Variants in ERC2 observed in about 807,000 individuals in gnomAD.
The protein encoded by ERC2 is ERC protein 2.
ERC2 carries 42 observed loss-of-function variants against 114.8 expected under a neutral mutation model. The ratio of observed to expected loss-of-function variants is 0.37; its 90% CI spans 0.29 to 0.47. The LOEUF (loss-of-function observed/expected upper bound fraction) is 0.47, where lower values mean the gene tolerates loss of function less well. ERC2 is among the 20% of genes least tolerant of loss of function. The probability of loss-of-function intolerance (pLI) is 0.99; values close to 1 mark genes in which losing one functional copy is unlikely to be tolerated. For missense variants in ERC2, 939 were observed against 1,150.7 expected (o/e 0.82, Z 2.66); for synonymous variants, 454 against 425.5 (o/e 1.07, Z -0.82).
At chr3:55,755,079 T>G (rs1302083346) in intron 14 of ERC2, among the ~76,000 whole-genome samples, 1 of 147,300 alleles carries the variant, frequency 6.8e-6, no homozygotes. Context: ...TGGCTATTCA[T>G]CTTCTTTTTT....
chr3:55,985,933 C>T (rs374557103), intron 12 of ERC2, 44 bp downstream of exon 12: 3 of 1,522,250 alleles, frequency 2.0e-6, no homozygotes, highest in East Asian at 4.9e-5. Flanking sequence ...ATAAATTGAG[C>T]TTAGGAGGGA....
chr3:56,053,928 T>A lies in ERC2; in HGVS notation c.1641+26889A>T, dbSNP rs1179667932. Among the ~76,000 whole-genome samples, 3 of 152,100 alleles carry A rather than the reference T, an allele frequency of 2.0e-5. No homozygotes were observed. In the East Asian group the frequency reaches 5.8e-4, roughly 29 times the overall value. On this transcript the variant is annotated intron_variant, in intron 7 of 17. Transcript: ENST00000288221. ...GTAACCTCCTCAAAGTTACAGGAGA[T>A]ACAAAGACGCAGACAGACCAGCTGC...
At chr3:56,359,598 T>C (rs1327885649) in intron 2 of ERC2, among the ~76,000 whole-genome samples, 1 of 152,376 alleles carries the variant, frequency 6.6e-6, no homozygotes, top group African/African-American at 2.4e-5. Flanking sequence ...GCCAGTGTCT[T>C]AGTCCATTTG....
chr3:55,919,298 C>T lies in ERC2; in HGVS notation c.2404-30749G>A, dbSNP rs192176158. On this transcript the variant is annotated intron_variant, in intron 13 of 17. Transcript: ENST00000288221. ...GAAGACTGAAGTGAGAGGATGGCTT[C>T]AGCCCAGGAGTTTGAAGCTGTCATG... is the stretch of plus-strand genomic sequence containing the variant. 3.1e-3 allele frequency among the ~76,000 whole-genome samples: 474 copies of T among 152,214 alleles called. 3 individuals carry two copies. The highest frequency in any genetic ancestry group is 0.011 in the African/African-American group (448 of 41,548).
chr3:56,305,512 C>CA (rs2056162094), intron 2 of ERC2, among the ~76,000 whole-genome samples: 138 of 144,440 alleles, frequency 9.6e-4, no homozygotes, highest in African/African-American at 3.2e-3. Flanking sequence ...ACTCTCTTAT[C>CA]CACACACACA....
intron 16 of ERC2, among the ~76,000 whole-genome samples, chr3:55,693,477 C>A (rs918551078): frequency 1.3e-5 from 2 of 152,100 alleles, no homozygotes; most frequent in African/African-American, 4.8e-5. Flanking sequence ...CAGAGCAGTT[C>A]CCCTCCCTCC....
intron 16 of ERC2, among the ~76,000 whole-genome samples, chr3:55,694,342 A>G (rs1397525790): frequency 6.6e-6 from 1 of 152,202 alleles, no homozygotes; most frequent in African/African-American, 2.4e-5. Flanking sequence ...AGTTCATTCA[A>G]CAGACATTTA....
chr3:55,849,890 T>A (rs1392605053), intron 14 of ERC2, among the ~76,000 whole-genome samples: 1 of 152,176 alleles, frequency 6.6e-6, no homozygotes, highest in Non-Finnish European at 1.5e-5. Flanking sequence ...CTGTATTAGT[T>A]TCCTAGGATT....
rs78602683 is a variant in ERC2, at chr3:55,556,650, T to C, written c.*40-45374A>G. Among the ~76,000 whole-genome samples the C allele has an allele frequency of 7.9e-4, 120 of 152,256 alleles. 3 individuals are homozygous for C. In the East Asian group the frequency reaches 0.018, roughly 23 times the overall value. On this transcript the variant is annotated intron_variant, in intron 17 of 17. Coordinates refer to ENST00000288221, the MANE Select transcript of ERC2 (RefSeq NM_015576.3). ...CTGGAAGGATGATGGCTGGCAGCCA[T>C]TTGCTACCAACAGAGCCTGAGGAGG... is the stretch of plus-strand genomic sequence containing the variant.
chr3:56,004,252 G>C (rs546866904), intron 10 of ERC2, among the ~76,000 whole-genome samples: 102 of 152,066 alleles, frequency 6.7e-4, no homozygotes, highest in Non-Finnish European at 1.3e-3. Context: ...TGATCCATAC[G>C]TCAATTATCA....
rs924597433 is a variant in ERC2 at position 55,508,508 on chromosome 3, T to A, written c.*2808A>T. 1 of 152,566 alleles carries A rather than the reference T, an allele frequency of 6.6e-6. No homozygotes were observed. The highest frequency in any genetic ancestry group is 1.9e-4 in the East Asian group (1 of 5,192). The allele number at this position is 152,566 out of a possible 1,614,324, so 9.5% of individuals were successfully genotyped here. A position where few individuals can be genotyped will look rare whatever the true frequency, so the allele number is the denominator to read the frequency against. ...CTTAGTTTTATTTATTTATTTTTCA[T>A]ATCGATGTCCATAATCACATGGTCA... is the stretch of plus-strand genomic sequence containing the variant. On this transcript the variant is annotated 3_prime_UTR_variant, in exon 18 of 18. Transcript: ENST00000288221.
At chr3:56,010,362 C>G in intron 9 of ERC2, 87 bp downstream of exon 9, 1 of 1,454,632 alleles carries the variant, frequency 6.9e-7, no homozygotes, top group Non-Finnish European at 9.3e-7. Flanking sequence ...TACAGTGCCT[C>G]CTACTAAGTC....
At chr3:56,420,152 C>T (rs191574046) in intron 2 of ERC2, among the ~76,000 whole-genome samples, 4 of 139,302 alleles carry the variant, frequency 2.9e-5, no homozygotes, top group East Asian at 2.1e-4. Context: ...ACGAGCCAAT[C>T]GTTTTTAGAA....
At chr3:56,449,896 A>G (rs1210229908) in intron 1 of ERC2, among the ~76,000 whole-genome samples, 1 of 152,238 alleles carries the variant, frequency 6.6e-6, no homozygotes, top group Non-Finnish European at 1.5e-5. Context: ...CCAGTTCACT[A>G]AACTTAGCCC....
At chr3:55,558,538 G>A (rs974618951) in intron 17 of ERC2, among the ~76,000 whole-genome samples, 11 of 152,214 alleles carry the variant, frequency 7.2e-5, no homozygotes, top group Non-Finnish European at 7.3e-5. Context: ...GTGGACATGA[G>A]GCTGGAGTAA....
rs9857700 is a variant in ERC2 at position 55,733,212 on chromosome 3, T to C, written c.2712+1559A>G. ...GAAAGACGCTCATTTTGACTTTCTG[T>C]GGCCAAGTAGGTGGAAAATCCAGTG... is the stretch of plus-strand genomic sequence containing the variant. On this transcript the variant is annotated intron_variant, in intron 15 of 17. Coordinates refer to ENST00000288221, the MANE Select transcript of ERC2 (RefSeq NM_015576.3). Among the ~76,000 whole-genome samples, 640 of 152,234 alleles carry C rather than the reference T, an allele frequency of 4.2e-3. 6 individuals are homozygous for C. The highest frequency in any genetic ancestry group is 0.015 in the African/African-American group (618 of 41,526).
intron 3 of ERC2, among the ~76,000 whole-genome samples, chr3:56,262,825 C>T (rs573016119): frequency 5.9e-5 from 9 of 152,180 alleles, no homozygotes; most frequent in Non-Finnish European, 1.2e-4. Context: ...CATGAATATC[C>T]TCACATAAGG....
intron 14 of ERC2, among the ~76,000 whole-genome samples, chr3:55,738,593 T>C (rs186483124): frequency 6.6e-6 from 1 of 152,204 alleles, no homozygotes; most frequent in African/African-American, 2.4e-5. Flanking sequence ...ACACACAATG[T>C]CTGATACAAT....
intron 14 of ERC2, among the ~76,000 whole-genome samples, chr3:55,800,162 G>T (rs9820378): frequency 2.0e-5 from 3 of 150,782 alleles, no homozygotes; most frequent in South Asian, 2.1e-4. Context: ...TCTTTGTTTC[G>T]TGGAGTCTTG....
Sources: allele counts gnomAD v4.1 joint callset (sites outside exome capture counted in the v4.1 genomes callset), GRCh38; gene constraint gnomAD v4.1.1; transcripts MANE v1.5; gene names NCBI Gene and HGNC (gene_info 2026-07-23, HGNC 2026-07-21).